Variants in SSH2 observed in about 807,000 individuals in gnomAD.
SSH2 encodes the protein protein phosphatase Slingshot homolog 2.
A neutral mutation model predicts 135.2 loss-of-function variants in SSH2; 37 were observed. The ratio of observed to expected loss-of-function variants is 0.27; its 90% confidence interval spans 0.21 to 0.36. SSH2 has a LOEUF of 0.36. Among genes scored for constraint, SSH2 ranks in the 10% least tolerant of loss-of-function variants. SSH2 has a pLI of 1.00. For synonymous variants in SSH2, 628 were observed against 646.2 expected (o/e 0.97, Z 0.43); for missense variants, 1,408 against 1,765.3 (o/e 0.80, Z 3.63).
intron 3 of SSH2, among the ~76,000 whole-genome samples, chr17:29,773,333 A>G (rs990369869): frequency 3.7e-4 from 56 of 152,222 alleles, no homozygotes; most frequent in Non-Finnish European, 7.5e-4. Context: ...GTCATTACAC[A>G]GTAGAATAGA....
intron 1 of SSH2, among the ~76,000 whole-genome samples, chr17:29,859,653 G>A (rs1476141248): frequency 2.6e-5 from 4 of 152,058 alleles, no homozygotes; most frequent in Admixed American, 1.3e-4. Flanking sequence ...ATAGTATTTC[G>A]TAGTGTATAT....
At chr17:29,822,193 G>A (rs1385823601) in intron 2 of SSH2, among the ~76,000 whole-genome samples, 1 of 152,160 alleles carries the variant, frequency 6.6e-6, no homozygotes, top group Non-Finnish European at 1.5e-5. Context: ...AGTGATAAGT[G>A]ACTTACCAGG....
At chr17:29,669,118 G>A (rs1197569574) in intron 9 of SSH2, among the ~76,000 whole-genome samples, 1 of 151,812 alleles carries the variant, frequency 6.6e-6, no homozygotes, top group Non-Finnish European at 1.5e-5. Flanking sequence ...GCATGGTGGT[G>A]GGTGCCTGTA....
intron 14 of SSH2, among the ~76,000 whole-genome samples, chr17:29,641,363 G>T (rs1012537043): frequency 2.4e-4 from 36 of 152,158 alleles, no homozygotes; most frequent in Non-Finnish European, 5.1e-4. Context: ...AAACTCGGCC[G>T]ACTCCCCACC....
intron 2 of SSH2, among the ~76,000 whole-genome samples, chr17:29,842,400 G>A (rs2043057835): frequency 6.7e-6 from 1 of 150,212 alleles, no homozygotes; most frequent in Non-Finnish European, 1.5e-5. Flanking sequence ...GTTGCAGTGA[G>A]CCGAGATCAC....
At position 29,930,222 on chromosome 17, in the gene SSH2, G is replaced by C; in HGVS notation, c.-222C>G. On this transcript the variant is annotated 5_prime_UTR_variant, in exon 1 of 16. Coordinates refer to ENST00000540801, the MANE Select transcript of SSH2 (RefSeq NM_001282129.2). ...GGGCGGGCGGTTCCGCAGCTGCGGG[G>C]CACAATGAGCGCTCCCAGTGCGCAG... 1 of 554,050 alleles carries C rather than the reference G, an allele frequency of 1.8e-6. No individual in the cohort carries two copies. Among genetic ancestry groups the C allele is most frequent in the Non-Finnish European group, 3.2e-6 (1 of 313,474 alleles). The allele number at this position is 554,050 out of a possible 1,614,324, so 34.3% of individuals were successfully genotyped here. A position where few individuals can be genotyped will look rare whatever the true frequency, so the allele number is the denominator to read the frequency against.
intron 1 of SSH2, among the ~76,000 whole-genome samples, 166 bp from the exon 2 acceptor site, chr17:29,849,095 T>C (rs1313312203): frequency 6.6e-6 from 1 of 152,210 alleles, no homozygotes. Flanking sequence ...ACAAGGTGAC[T>C]GGTTAGTTGA....
rs745902598 is a variant in SSH2 at position 29,631,738 on chromosome 17, C to G, written c.3456G>C (p.Leu1152=). The part of the protein sequence containing the change: ...APFVSHTTHL[L]SASLDYLHPQ... ...GATGCAGGTAATCCAAACTGGCAGA[C>G]AGTAAATGGGTTGTATGACTGACAA... Residue 1152 remains leucine (L), a synonymous_variant, in exon 16 of 16, where the codon CTG becomes CTC. Coordinates refer to ENST00000540801, the MANE Select transcript of SSH2 (RefSeq NM_001282129.2). 1 of 1,614,206 alleles carries G rather than the reference C, an allele frequency of 6.2e-7. No homozygotes were observed. Among genetic ancestry groups the G allele is most frequent in the Admixed American group, 1.7e-5 (1 of 60,022 alleles).
intron 3 of SSH2, among the ~76,000 whole-genome samples, chr17:29,770,141 C>A (rs1255415454): frequency 7.1e-6 from 1 of 140,446 alleles, no homozygotes; most frequent in East Asian, 2.1e-4. Flanking sequence ...ACTCCATTAC[C>A]CAGGCTGGAG....
chr17:29,683,604 C>G (rs78415657), intron 6 of SSH2, among the ~76,000 whole-genome samples: 53 of 152,098 alleles, frequency 3.5e-4, no homozygotes, highest in African/African-American at 1.1e-3. Context: ...GGTAGGTGCC[C>G]TAGAATCACC....
At chr17:29,648,827 T>C (rs943902375) in intron 13 of SSH2, among the ~76,000 whole-genome samples, 3 of 152,116 alleles carry the variant, frequency 2.0e-5, no homozygotes, top group African/African-American at 7.2e-5. Flanking sequence ...TGAAACCCCG[T>C]CTCTACTAAA....
At chr17:29,736,651 G>A (rs956370537) in intron 3 of SSH2, among the ~76,000 whole-genome samples, 1 of 151,148 alleles carries the variant, frequency 6.6e-6, no homozygotes, top group Non-Finnish European at 1.5e-5. Context: ...GCCAGGCACG[G>A]TGGCACGTGC....
chr17:29,679,095 C>G (rs912420784), intron 6 of SSH2, among the ~76,000 whole-genome samples: 1 of 152,078 alleles, frequency 6.6e-6, no homozygotes, highest in African/African-American at 2.4e-5. Flanking sequence ...AGCCATGGAC[C>G]CCTGATTGTA....
chr17:29,786,327 T>G (rs2151295812), intron 3 of SSH2, among the ~76,000 whole-genome samples: 1 of 152,276 alleles, frequency 6.6e-6, no homozygotes, highest in African/African-American at 2.4e-5. Context: ...TCGCACAATT[T>G]GCATGGGGAG....
intron 5 of SSH2, among the ~76,000 whole-genome samples, chr17:29,690,890 C>T (rs1371238587): frequency 6.6e-6 from 1 of 151,620 alleles, no homozygotes; most frequent in African/African-American, 2.4e-5. Context: ...TTCGTAGAAA[C>T]AAAACAATGC....
intron 3 of SSH2, among the ~76,000 whole-genome samples, chr17:29,788,941 T>C (rs1416234344): frequency 6.6e-6 from 1 of 152,166 alleles, no homozygotes; most frequent in Non-Finnish European, 1.5e-5. Flanking sequence ...ACAGAATATT[T>C]GTAGAAATAT....
Position 29,638,742 on chromosome 17 carries a change from A to T in SSH2, c.1428-1940T>A, listed in dbSNP as rs889534202. On this transcript the variant is annotated intron_variant, in intron 14 of 15. Transcript: ENST00000540801. Reference sequence around the variant, plus strand: ...TTTTTTATTTTTTATTTTTGTGGAGATGGGGGTCTCACTATGTTGCCCAGG... The same window carrying T: ...TTTTTTATTTTTTATTTTTGTGGAGTTGGGGGTCTCACTATGTTGCCCAGG... Among the ~76,000 whole-genome samples, 17 of 151,896 alleles carry T rather than the reference A, an allele frequency of 1.1e-4. No individual in the cohort carries two copies. The East Asian group carries it at 3.1e-3, about 28-fold the overall frequency.
chr17:29,845,815 C>A (rs2043123670), intron 2 of SSH2, among the ~76,000 whole-genome samples: 1 of 152,126 alleles, frequency 6.6e-6, no homozygotes, highest in Non-Finnish European at 1.5e-5. Context: ...TTGCCTTGGC[C>A]TCCGAAAGTG....
chr17:29,662,925 G>A (rs1470742357), intron 11 of SSH2, among the ~76,000 whole-genome samples: 1 of 152,194 alleles, frequency 6.6e-6, no homozygotes, highest in African/African-American at 2.4e-5. Flanking sequence ...CAATATACTT[G>A]TTTGCCTGCT....
Sources: gnomAD v4.1 joint callset for allele counts (sites outside exome capture counted in the v4.1 genomes callset) on GRCh38, gnomAD v4.1.1 for gene constraint, MANE v1.5 for transcripts, NCBI Gene and HGNC (gene_info 2026-07-23, HGNC 2026-07-21) for gene names.